The following LIN28B variants were observed in gnomAD, a reference collection of about 807,000 sequenced individuals.
LIN28B encodes the protein lin-28 RNA binding posttranscriptional regulator B, also known as protein lin-28 homolog B.
In LIN28B, 5 loss-of-function variants were observed where a neutral mutation model predicts 21.9. That is an observed-to-expected ratio of 0.23 (90% CI 0.12 to 0.48). The LOEUF (loss-of-function observed/expected upper bound fraction) is 0.48, where lower values mean the gene tolerates loss of function less well. Among genes scored for constraint, LIN28B ranks in the 20% least tolerant of loss-of-function variants. The probability of loss-of-function intolerance (pLI) is 0.98; values close to 1 mark genes in which losing one functional copy is unlikely to be tolerated. For missense variants in LIN28B, 245 were observed against 310.5 expected, an observed-to-expected ratio of 0.79 and a Z score of 1.58; for synonymous variants, 109 against 111.3, an observed-to-expected ratio of 0.98 and a Z score of 0.13.
chr6:105,052,836 AATTTT>A (rs1228282106), intron 3 of LIN28B, among the ~76,000 whole-genome samples: 2 of 151,856 alleles, frequency 1.3e-5, no homozygotes, highest in African/African-American at 4.8e-5. Context: ...CTTTCTAGCC[AATTTT>A]TGGCTTTGTT....
At chr6:105,072,577 G>A (rs1772352331) in intron 3 of LIN28B, among the ~76,000 whole-genome samples, 1 of 151,916 alleles carries the variant, frequency 6.6e-6, no homozygotes, top group Non-Finnish European at 1.5e-5. Flanking sequence ...TATTATCTAG[G>A]AAACTTTTTA....
At chr6:105,013,186 T>C (rs1325986601) in intron 2 of LIN28B, among the ~76,000 whole-genome samples, 1 of 151,986 alleles carries the variant, frequency 6.6e-6, no homozygotes, top group East Asian at 1.9e-4. Context: ...TAATTTTGTA[T>C]TTTTAGTAGA....
chr6:104,998,083 GT>G (rs1770649412), intron 2 of LIN28B, among the ~76,000 whole-genome samples: 1 of 152,118 alleles, frequency 6.6e-6, no homozygotes, highest in African/African-American at 2.4e-5. Context: ...AATTAGAATA[GT>G]TTTAGCTAAA....
chr6:104,999,619 T>C (rs769316013), intron 2 of LIN28B, among the ~76,000 whole-genome samples: 2 of 152,224 alleles, frequency 1.3e-5, no homozygotes, highest in Non-Finnish European at 2.9e-5. Flanking sequence ...TAATGGCATG[T>C]ATATTGTGTA....
chr6:105,068,965 C>A (rs949607148), intron 3 of LIN28B, among the ~76,000 whole-genome samples: 171 of 152,216 alleles, frequency 1.1e-3, no homozygotes, highest in Non-Finnish European at 8.4e-4. Flanking sequence ...ACCTGTAATC[C>A]CAGCACTTTG....
chr6:105,082,380 T>C lies in LIN28B; in HGVS notation c.*3597T>C, dbSNP rs1772557261. On this transcript the variant is annotated 3_prime_UTR_variant, in exon 4 of 4. Transcript: ENST00000345080. ...TATTTAGTTTGTGAATAGGAGCCCA[T>C]AAGTGTTAATAGACTTTGTAACATT... 6.6e-6 allele frequency: 1 copy of C among 152,650 alleles called. No homozygotes were observed. The highest frequency in any genetic ancestry group is 2.4e-5 in the African/African-American group (1 of 41,464). 9.5% of individuals were successfully genotyped at this position (152,650 alleles called of 1,614,324 possible).
intron 2 of LIN28B, among the ~76,000 whole-genome samples, chr6:104,986,332 A>G (rs1770341086): frequency 6.6e-6 from 1 of 150,736 alleles, no homozygotes; most frequent in South Asian, 2.1e-4. Context: ...GTGCAAGAAC[A>G]GACTAATACA....
At chr6:105,007,511 A>G (rs1180896572) in intron 2 of LIN28B, among the ~76,000 whole-genome samples, 2 of 151,456 alleles carry the variant, frequency 1.3e-5, no homozygotes, top group South Asian at 2.1e-4. Context: ...AATAAAGCAT[A>G]TATATTTTTA....
At chr6:104,986,270 T>C (rs915144447) in intron 2 of LIN28B, among the ~76,000 whole-genome samples, 4 of 152,186 alleles carry the variant, frequency 2.6e-5, no homozygotes. Flanking sequence ...ATGAGCCAAT[T>C]AAACATCTTT....
chr6:105,075,952 T>C lies in LIN28B; in HGVS notation c.384-2462T>C, dbSNP rs574348750. ...AATTCAAAAGAAGATATTTTATAGA[T>C]GGGCAACTTTAATTTAAGAATTCAC... On this transcript the variant is annotated intron_variant, in intron 3 of 3. Coordinates refer to ENST00000345080, the MANE Select transcript of LIN28B (RefSeq NM_001004317.4). Among the ~76,000 whole-genome samples, 5 of 152,356 alleles carry C rather than the reference T, an allele frequency of 3.3e-5. No individual in the cohort carries two copies. The South Asian group carries it at 1.0e-3, about 32-fold the overall frequency.
intron 2 of LIN28B, among the ~76,000 whole-genome samples, chr6:105,007,110 A>G (rs1770832991): frequency 6.6e-6 from 1 of 152,224 alleles, no homozygotes; most frequent in Non-Finnish European, 1.5e-5. Context: ...TATGGCTGTA[A>G]TACTTGAGAA....
intron 2 of LIN28B, among the ~76,000 whole-genome samples, chr6:104,937,816 A>C (rs1473539194): frequency 1.3e-5 from 2 of 152,090 alleles, no homozygotes; most frequent in Non-Finnish European, 2.9e-5. Flanking sequence ...ATTCATTAAA[A>C]AGCATTTCTT....
At chr6:105,077,244 C>T (rs1772445094) in intron 3 of LIN28B, among the ~76,000 whole-genome samples, 1 of 151,898 alleles carries the variant, frequency 6.6e-6, no homozygotes, top group African/African-American at 2.4e-5. Context: ...ATATATATAA[C>T]CTGTTGTTCT....
At chr6:104,990,644 G>A (rs1188880483) in intron 2 of LIN28B, among the ~76,000 whole-genome samples, 3 of 151,692 alleles carry the variant, frequency 2.0e-5, no homozygotes, top group African/African-American at 7.3e-5. Flanking sequence ...GACAATAGTG[G>A]AGGGAAGGTC....
intron 2 of LIN28B, among the ~76,000 whole-genome samples, chr6:105,013,210 C>T (rs1770958938): frequency 6.6e-6 from 1 of 151,900 alleles, no homozygotes; most frequent in South Asian, 2.1e-4. Context: ...AGAGTTTCTC[C>T]ATGTTGGTCA....
intron 3 of LIN28B, among the ~76,000 whole-genome samples, chr6:105,054,006 A>C (rs1771972350): frequency 6.6e-6 from 1 of 151,976 alleles, no homozygotes; most frequent in Admixed American, 6.6e-5. Context: ...GGCCTCCCAA[A>C]GTACTGGGAT....
At chr6:105,066,682 ATTG>A (rs1772226225) in intron 3 of LIN28B, among the ~76,000 whole-genome samples, 1 of 152,026 alleles carries the variant, frequency 6.6e-6, no homozygotes, top group South Asian at 2.1e-4. Flanking sequence ...TCTTTTATAT[ATTG>A]TTTGGACATT....
In LIN28B at chr6:105,028,742, T is replaced by C. The variant is rs552284078; in HGVS notation, c.383+2260T>C. On this transcript the variant is annotated intron_variant, in intron 3 of 3. Coordinates refer to ENST00000345080, the MANE Select transcript of LIN28B (RefSeq NM_001004317.4). ...CAAGTGAAGATGTATATTAGGCAGA[T>C]GGATGCACTATATGGAGTTCCAGCA... Among the ~76,000 whole-genome samples, 8 of 152,308 alleles carry C rather than the reference T, an allele frequency of 5.3e-5. No individual in the cohort carries two copies. In the South Asian group the frequency reaches 1.7e-3, roughly 32 times the overall value.
At position 105,078,459 on chromosome 6, in the gene LIN28B, T is replaced by A; in HGVS notation, c.429T>A (p.Ser143Arg). The change falls in exon 4 of 4, where the codon AGT becomes AGA. Residue 143 changes from serine to arginine, a missense_variant. Transcript: ENST00000345080. ...TTGATCATCATGCTAAGGAATGTAG[T>A]CTACCTCCTCAGCCAAAGAAGTGCC... The part of the protein sequence containing the change: ...GGLDHHAKEC[S>R]LPPQPKKCHY... 1 of 1,613,660 alleles carries A rather than the reference T, an allele frequency of 6.2e-7. No individual in the cohort carries two copies. The highest frequency in any genetic ancestry group is 8.5e-7 in the Non-Finnish European group (1 of 1,179,592).
Sources: allele counts gnomAD v4.1 joint callset (sites outside exome capture counted in the v4.1 genomes callset), GRCh38; gene constraint gnomAD v4.1.1; transcripts MANE v1.5; gene names NCBI Gene and HGNC (gene_info 2026-07-23, HGNC 2026-07-21).